UNC13C: variants seen among roughly 807,000 people sequenced by gnomAD.
The protein encoded by UNC13C is unc-13 homolog C.
A neutral mutation model predicts 245.4 loss-of-function variants in UNC13C; 174 were observed. The observed-to-expected ratio is 0.71, with a 90% CI of 0.63 to 0.80. UNC13C has a LOEUF of 0.80. UNC13C is among the 30% of genes least tolerant of loss of function. The pLI, the probability that UNC13C is intolerant of heterozygous loss-of-function variation, is 0.00. For missense variants in UNC13C, 2,829 were observed against 2,602.9 expected, an observed-to-expected ratio of 1.09 and a Z score of -1.89; for synonymous variants, 992 against 895.1, an observed-to-expected ratio of 1.11 and a Z score of -1.93.
At position 54,546,569 on chromosome 15, in the gene UNC13C, C is replaced by G. The variant is rs1896489681; in HGVS notation, c.5697-153C>G. Among the ~76,000 whole-genome samples the G allele has an allele frequency of 3.9e-5, 6 of 152,142 alleles. No individual in the cohort carries two copies. The South Asian group carries it at 1.2e-3, about 32-fold the overall frequency. On this transcript the variant is annotated intron_variant, in intron 26 of 32. Coordinates refer to ENST00000260323, the MANE Select transcript of UNC13C (RefSeq NM_001080534.3). ...TTTTCCATCAAATATAGAGAATTAT[C>G]TAATGTACAGAATCATGAAATAGTT...
intron 17 of UNC13C, among the ~76,000 whole-genome samples, chr15:54,370,543 C>T (rs147046669): frequency 1.3e-5 from 2 of 152,174 alleles, no homozygotes; most frequent in African/African-American, 4.8e-5. Flanking sequence ...ATGTCTGCCA[C>T]TGCTTCAGTG....
chr15:54,168,508 T>C (rs750331857), intron 4 of UNC13C, among the ~76,000 whole-genome samples: 1 of 152,188 alleles, frequency 6.6e-6, no homozygotes, highest in Non-Finnish European at 1.5e-5. Context: ...TTTAAGAGTT[T>C]TCAGCGTTCA....
At chr15:54,036,508 A>ACTG (rs202054518) in intron 2 of UNC13C, among the ~76,000 whole-genome samples, 3,328 of 152,284 alleles carry the variant, frequency 0.022, 123 homozygotes, top group South Asian at 0.13. Context: ...AGTTCTTCAG[A>ACTG]AACTTCTTTT....
chr15:53,863,203 C>G, the UNC13C span, among the ~76,000 whole-genome samples: 1 of 152,136 alleles, frequency 6.6e-6, no homozygotes, highest in Non-Finnish European at 1.5e-5. Flanking sequence ...AAGACCAAAG[C>G]CTAGCAAGGC....
chr15:54,308,215 T>A (rs559540396), intron 13 of UNC13C, among the ~76,000 whole-genome samples: 4 of 151,926 alleles, frequency 2.6e-5, no homozygotes, highest in Admixed American at 1.3e-4. Context: ...TTGTTTTATT[T>A]TTTTTGTTCA....
the UNC13C span, among the ~76,000 whole-genome samples, chr15:53,935,520 C>T: frequency 1.4e-4 from 21 of 152,266 alleles, 1 homozygote; most frequent in East Asian, 3.9e-3. Context: ...AAAATTAGTA[C>T]ATTTTGGCCA....
At chr15:53,935,919 G>C in the UNC13C span, among the ~76,000 whole-genome samples, 1 of 152,196 alleles carries the variant, frequency 6.6e-6, no homozygotes, top group Non-Finnish European at 1.5e-5. Flanking sequence ...AGCACGCACA[G>C]AAACCTAGGA....
At chr15:54,501,425 T>A (rs924344923) in intron 22 of UNC13C, among the ~76,000 whole-genome samples, 1 of 152,158 alleles carries the variant, frequency 6.6e-6, no homozygotes, top group Non-Finnish European at 1.5e-5. Context: ...TCTCAATAGT[T>A]CAAGTTTTTT....
intron 24 of UNC13C, among the ~76,000 whole-genome samples, chr15:54,512,687 T>C (rs950203866): frequency 3.9e-5 from 6 of 152,206 alleles, no homozygotes; most frequent in Admixed American, 2.0e-4. Context: ...TATGTAGATA[T>C]ATACTTCTGT....
chr15:53,931,546 G>A, the UNC13C span, among the ~76,000 whole-genome samples: 1 of 151,890 alleles, frequency 6.6e-6, no homozygotes, highest in Non-Finnish European at 1.5e-5. Flanking sequence ...AATTGTCTTT[G>A]CTTCCTTCTT....
the UNC13C span, among the ~76,000 whole-genome samples, chr15:53,955,338 A>G: frequency 6.6e-6 from 1 of 152,078 alleles, no homozygotes; most frequent in Non-Finnish European, 1.5e-5. Context: ...GAAAAGAACA[A>G]CTTAGAAATA....
intron 10 of UNC13C, among the ~76,000 whole-genome samples, chr15:54,276,177 T>C (rs1434417450): frequency 6.6e-6 from 1 of 152,118 alleles, no homozygotes; most frequent in Non-Finnish European, 1.5e-5. Flanking sequence ...AAAGGAACTT[T>C]TGGAGAAACT....
intron 10 of UNC13C, among the ~76,000 whole-genome samples, chr15:54,281,065 T>G (rs2036983782): frequency 1.3e-5 from 2 of 152,116 alleles, no homozygotes; most frequent in African/African-American, 4.8e-5. Flanking sequence ...CCCAAAGTGC[T>G]GGGATTACAG....
At chr15:54,323,629 T>A (rs1311119393) in intron 14 of UNC13C, among the ~76,000 whole-genome samples, 1 of 152,034 alleles carries the variant, frequency 6.6e-6, no homozygotes, top group Non-Finnish European at 1.5e-5. Context: ...CAGCTACTTT[T>A]GTTAGACAGA....
the UNC13C span, among the ~76,000 whole-genome samples, chr15:53,931,050 G>A: frequency 0.32 from 48,118 of 152,062 alleles, 7,743 homozygotes; most frequent in Non-Finnish European, 0.33. Context: ...AGAACCAGCA[G>A]TTGACAACTG....
intron 2 of UNC13C, among the ~76,000 whole-genome samples, chr15:54,042,431 A>G (rs1012775645): frequency 1.3e-5 from 2 of 152,206 alleles, no homozygotes; most frequent in African/African-American, 2.4e-5. Flanking sequence ...AGTTATCCCT[A>G]TGAAAGAGGA....
At chr15:53,977,858 C>A (rs1186918040), upstream of UNC13C, among the ~76,000 whole-genome samples, 1 of 152,178 alleles carries the variant, frequency 6.6e-6, no homozygotes, top group Non-Finnish European at 1.5e-5. Context: ...AAAACCTTTG[C>A]ATCACTGTAA....
At chr15:54,379,213 A>G (rs946468542) in intron 17 of UNC13C, among the ~76,000 whole-genome samples, 3 of 152,246 alleles carry the variant, frequency 2.0e-5, no homozygotes, top group Non-Finnish European at 2.9e-5. Flanking sequence ...GTAATGTTTT[A>G]TATAGGGTCT....
intron 2 of UNC13C, among the ~76,000 whole-genome samples, chr15:54,142,187 T>G (rs1364048481): frequency 2.6e-5 from 4 of 152,178 alleles, no homozygotes; most frequent in Non-Finnish European, 5.9e-5. Context: ...GTTTAAAAAA[T>G]GATGATGCAG....
Sources: allele counts gnomAD v4.1 joint callset (sites outside exome capture counted in the v4.1 genomes callset), GRCh38; gene constraint gnomAD v4.1.1; transcripts MANE v1.5; gene names NCBI Gene and HGNC (gene_info 2026-07-23, HGNC 2026-07-21).